The following DOCK10 variants were observed in gnomAD, a reference collection of about 807,000 sequenced individuals.
The protein encoded by DOCK10 is dedicator of cytokinesis protein 10.
Under a neutral mutation model 280.1 loss-of-function variants are expected in DOCK10, and 145 were observed. The observed-to-expected ratio is 0.52, with a 90% confidence interval of 0.45 to 0.59. The LOEUF is 0.59. DOCK10 is among the 20% of genes least tolerant of loss of function. DOCK10 has a pLI of 0.00. For synonymous variants in DOCK10, 915 were observed against 942.2 expected (o/e 0.97, Z 0.53); for missense variants, 2,368 against 2,651.7 (o/e 0.89, Z 2.35).
At chr2:224,823,399 A>AT in intron 28 of DOCK10, 102 bp downstream of exon 28, 1 of 1,038,390 alleles carries the variant, frequency 9.6e-7, no homozygotes, top group Non-Finnish European at 1.3e-6. Context: ...GCTAGTTTTG[A>AT]TTTTTCATCA....
chr2:224,980,606 TTGTA>T (rs1467226469), intron 1 of DOCK10, among the ~76,000 whole-genome samples: 1 of 152,170 alleles, frequency 6.6e-6, no homozygotes, highest in East Asian at 1.9e-4. Flanking sequence ...CACAATGACT[TTGTA>T]TGAGCACATT....
chr2:224,787,450 T>C, intron 48 of DOCK10, 53 bp from the exon 49 acceptor site: 1 of 1,599,298 alleles, frequency 6.3e-7, no homozygotes. Flanking sequence ...TTGTGGCTCA[T>C]GCCTGAAACT....
intron 4 of DOCK10, among the ~76,000 whole-genome samples, chr2:224,889,589 T>C (rs1699537275): frequency 6.6e-6 from 1 of 152,166 alleles, no homozygotes; most frequent in Admixed American, 6.5e-5. Context: ...TCTTGTAGAG[T>C]CTTAGAGATA....
At chr2:224,782,392 T>C (rs935598067) in intron 50 of DOCK10, among the ~76,000 whole-genome samples, 5 of 152,232 alleles carry the variant, frequency 3.3e-5, no homozygotes, top group Admixed American at 6.5e-5. Flanking sequence ...TTTTAAGTTA[T>C]GTAATGGGTA....
Position 225,035,574 on chromosome 2 carries a change from ATATATATATATAT to A in DOCK10, c.123+6665_123+6677del, listed in dbSNP as rs1559986864. Among the ~76,000 whole-genome samples the A allele has an allele frequency of 4.5e-3, 349 of 78,086 alleles. 8 individuals carry two copies. Among genetic ancestry groups the A allele is most frequent in the African/African-American group, 0.02 (333 of 16,692 alleles). The allele number at this position is 78,086 out of a possible 152,430, so 51.2% of individuals were successfully genotyped here. On this transcript the variant is annotated intron_variant, in intron 1 of 55. Coordinates refer to ENST00000258390, the MANE Select transcript of DOCK10 (RefSeq NM_014689.3). The stretch of plus-strand genomic sequence containing the variant: ...TATATATATATATATATATATATAT[ATATATATATATAT>A]AACACTGAATCAGTGTTAATTGTGT...
rs980594351 is a variant in DOCK10 at position 224,797,980 on chromosome 2, A to C, written c.4507-11T>G. The C allele has an allele frequency of 1.9e-6, 3 of 1,611,636 alleles. No homozygotes were observed. The African/African-American group carries it at 4.0e-5, about 22-fold the overall frequency. On this transcript the variant is annotated splice_polypyrimidine_tract_variant and intron_variant, in intron 41 of 55. Coordinates refer to ENST00000258390, the MANE Select transcript of DOCK10 (RefSeq NM_014689.3). ...TTGTTGGAGTTGTCTCTGGAAATTC[A>C]ATGCAGATGTTATTCAGGATAAGTG...
intron 3 of DOCK10, among the ~76,000 whole-genome samples, chr2:224,912,753 T>C (rs533896874): frequency 2.7e-4 from 41 of 152,214 alleles, no homozygotes; most frequent in Non-Finnish European, 4.7e-4. Context: ...AGGCCGGGCA[T>C]GGTGGCTCAC....
chr2:224,832,311 GT>G (rs1240076382), intron 26 of DOCK10, among the ~76,000 whole-genome samples: 9 of 152,104 alleles, frequency 5.9e-5, no homozygotes. Context: ...AACAAATTCT[GT>G]TCTGTGGTTC....
At position 224,855,043 on chromosome 2, in the gene DOCK10, C is replaced by T. The variant is rs1223006487; in HGVS notation, c.1809-1G>A. On this transcript the variant is annotated splice_acceptor_variant, in intron 15 of 55. Coordinates refer to ENST00000258390, the MANE Select transcript of DOCK10 (RefSeq NM_014689.3). LOFTEE classifies it high-confidence loss of function. ...CTGCATTTTGCTTATTCTGTCGGCC[C>T]TGTAAGAGTGCATGAGCAAGGACAC... 2.5e-6 allele frequency: 4 copies of T among 1,575,800 alleles called. No individual in the cohort carries two copies.
intron 2 of DOCK10, among the ~76,000 whole-genome samples, chr2:224,919,142 G>C (rs1701534756): frequency 6.7e-6 from 1 of 148,158 alleles, no homozygotes; most frequent in South Asian, 2.2e-4. Flanking sequence ...TATATGTGTG[G>C]TGTGTGTATG....
At chr2:224,844,980 A>C (rs1444099810) in intron 21 of DOCK10, 141 bp from the exon 22 acceptor site, 1 of 798,554 alleles carries the variant, frequency 1.3e-6, no homozygotes, top group African/African-American at 1.7e-5. Flanking sequence ...ATGCAAATAC[A>C]TTTAGCACTA....
Position 224,778,125 on chromosome 2 carries a change from G to GA in DOCK10, c.5802+12dup. On this transcript the variant is annotated intron_variant, in intron 51 of 55. Transcript: ENST00000258390. ...AATTCTTAGCACTTGCATGAATACT[G>GA]ATTTTCCTCTACCTTGTTGGAATCC... 1 of 1,610,926 alleles carries GA rather than the reference G, an allele frequency of 6.2e-7. No individual in the cohort carries two copies. Among genetic ancestry groups the GA allele is most frequent in the Non-Finnish European group, 8.5e-7 (1 of 1,177,982 alleles).
intron 19 of DOCK10, among the ~76,000 whole-genome samples, chr2:224,847,092 T>C (rs1160419934): frequency 6.6e-6 from 1 of 152,216 alleles, no homozygotes; most frequent in East Asian, 1.9e-4. Flanking sequence ...ATACAAATAA[T>C]GCTTCTGAAT....
intron 1 of DOCK10, among the ~76,000 whole-genome samples, chr2:225,032,148 T>C (rs1446137168): frequency 6.6e-6 from 1 of 152,004 alleles, no homozygotes; most frequent in African/African-American, 2.4e-5. Flanking sequence ...AAGGATAAGA[T>C]CTCCCCAGAT....
Position 224,896,300 on chromosome 2 carries a change from T to A in DOCK10, c.411A>T (p.Leu137=). 6.3e-7 allele frequency: 1 copy of A among 1,589,266 alleles called. No homozygotes were observed. The highest frequency in any genetic ancestry group is 8.6e-7 in the Non-Finnish European group (1 of 1,160,942). The change falls in exon 4 of 56, where the codon CTA becomes CTT. Residue 137 remains leucine, a synonymous_variant. Transcript: ENST00000258390. ...TGCTCATAACAGGTTCTTACCGGGG[T>A]AGCTGTCGAATGTCTCCAGAATATT... ...YEQYSGDIRQ[L]PRAEYKPEKL... is the part of the protein sequence containing the mutation.
At chr2:225,030,262 C>T (rs1340748249) in intron 1 of DOCK10, among the ~76,000 whole-genome samples, 1 of 151,994 alleles carries the variant, frequency 6.6e-6, no homozygotes, top group Non-Finnish European at 1.5e-5. Context: ...TGCTCTAAAG[C>T]CGTGTCATGA....
chr2:225,007,796 C>A (rs78586284), intron 1 of DOCK10, among the ~76,000 whole-genome samples: 16 of 151,986 alleles, frequency 1.1e-4, no homozygotes. Flanking sequence ...CAAAAAAGTC[C>A]GGAAGAATGA....
intron 1 of DOCK10, among the ~76,000 whole-genome samples, chr2:224,954,402 G>A (rs1010892514): frequency 6.6e-6 from 1 of 152,044 alleles, no homozygotes; most frequent in Non-Finnish European, 1.5e-5. Context: ...TGATTTTAGG[G>A]TTTATTATTT....
chr2:224,991,337 G>C (rs922669051), intron 1 of DOCK10, among the ~76,000 whole-genome samples: 1 of 152,150 alleles, frequency 6.6e-6, no homozygotes, highest in Non-Finnish European at 1.5e-5. Flanking sequence ...AATTCTCTGA[G>C]ACTTATTTTC....
Sources: allele counts gnomAD v4.1 joint callset (sites outside exome capture counted in the v4.1 genomes callset), GRCh38; gene constraint gnomAD v4.1.1; transcripts MANE v1.5; gene names NCBI Gene and HGNC (gene_info 2026-07-23, HGNC 2026-07-21).